Variants in DMD observed in about 807,000 individuals in gnomAD.
DMD encodes the protein mutant dystrophin.
Under a neutral mutation model 330.1 loss-of-function variants are expected in DMD, and 63 were observed. The ratio of observed to expected loss-of-function variants is 0.19; its 90% CI spans 0.16 to 0.24. The LOEUF (loss-of-function observed/expected upper bound fraction) is 0.24, where lower values mean the gene tolerates loss of function less well. Among genes scored for constraint, DMD ranks in the 10% least tolerant of loss-of-function variants. The pLI, the probability that DMD is intolerant of heterozygous loss-of-function variation, is 1.00. For missense variants in DMD, 3,344 were observed against 2,684.1 expected (o/e 1.25, Z -5.43); for synonymous variants, 1,223 against 959.8 (o/e 1.27, Z -5.07).
intron 52 of DMD, among the ~76,000 whole-genome samples, chrX:31,728,071 G>A (rs2086196664): frequency 8.9e-6 from 1 of 112,595 alleles, no homozygotes; most frequent in Non-Finnish European, 1.9e-5. Flanking sequence ...CGCCCAGGCT[G>A]GAGTGCAGTG....
intron 29 of DMD, among the ~76,000 whole-genome samples, chrX:32,421,089 T>A (rs2098187694): frequency 8.9e-6 from 1 of 111,971 alleles, no homozygotes; most frequent in East Asian, 2.8e-4. Flanking sequence ...ACTGGTCCTT[T>A]TTCATCCTAC....
chrX:31,374,489 GC>G (rs2059776493), intron 60 of DMD, among the ~76,000 whole-genome samples: 2 of 107,076 alleles, frequency 1.9e-5, no homozygotes, highest in Non-Finnish European at 3.8e-5. Context: ...ATACTATGCA[GC>G]CATAAAAAAT....
At chrX:33,113,673 C>T (rs1298610567) in intron 1 of DMD, among the ~76,000 whole-genome samples, 1 of 108,902 alleles carries the variant, frequency 9.2e-6, no homozygotes. Context: ...GAACCAGATG[C>T]TAAGGAAGCA....
At chrX:32,196,740 C>T (rs943759655) in intron 44 of DMD, among the ~76,000 whole-genome samples, 4 of 110,698 alleles carry the variant, frequency 3.6e-5, no homozygotes, top group Non-Finnish European at 7.6e-5. Context: ...AATCCCAGCA[C>T]TTTGGGAGGC....
intron 55 of DMD, among the ~76,000 whole-genome samples, chrX:31,545,156 G>A (rs938659288): frequency 3.6e-5 from 4 of 111,957 alleles, no homozygotes; most frequent in Non-Finnish European, 7.5e-5. Context: ...TCAAATTCAA[G>A]ACCAAGGTCA....
intron 13 of DMD, among the ~76,000 whole-genome samples, chrX:32,585,415 C>T (rs1165007599): frequency 4.5e-5 from 5 of 110,825 alleles, no homozygotes; most frequent in Admixed American, 2.9e-4. Context: ...TATTATTGGC[C>T]GGGTGGCCGG....
At chrX:31,377,105 C>T (rs180945816) in intron 60 of DMD, among the ~76,000 whole-genome samples, 25 of 111,881 alleles carry the variant, frequency 2.2e-4, no homozygotes, top group Non-Finnish European at 4.3e-4. Context: ...AGTTTCTACT[C>T]CCTGTTTGTT....
At chrX:32,400,034 C>G (rs1603632554) in intron 30 of DMD, among the ~76,000 whole-genome samples, 1 of 111,289 alleles carries the variant, frequency 9.0e-6, no homozygotes, top group Non-Finnish European at 1.9e-5. Context: ...CTGTCTTGTG[C>G]CAGTTTTCAA....
chrX:32,091,372 A>G (rs765301874), intron 44 of DMD, among the ~76,000 whole-genome samples: 1 of 112,267 alleles, frequency 8.9e-6, no homozygotes, highest in South Asian at 3.7e-4. Flanking sequence ...AACATGACTG[A>G]TAAAAAAGCA....
At chrX:32,191,398 T>G (rs1012051421) in intron 44 of DMD, among the ~76,000 whole-genome samples, 4 of 112,131 alleles carry the variant, frequency 3.6e-5, no homozygotes, top group Non-Finnish European at 3.8e-5. Flanking sequence ...CCAACTTTTC[T>G]CTGACTGGTT....
At chrX:32,542,690 G>C (rs181384621) in intron 17 of DMD, among the ~76,000 whole-genome samples, 98 of 112,336 alleles carry the variant, frequency 8.7e-4, no homozygotes, top group African/African-American at 3.0e-3. Flanking sequence ...GGTTATATTT[G>C]CATGATGCCT....
chrX:32,592,897 G>A (rs1050464455), intron 13 of DMD, among the ~76,000 whole-genome samples: 6 of 112,741 alleles, frequency 5.3e-5, no homozygotes, highest in Non-Finnish European at 9.4e-5. Context: ...GCTACTTGTG[G>A]TACATCTGGT....
chrX:32,824,547 CAA>C (rs1365345779), intron 4 of DMD, among the ~76,000 whole-genome samples: 1 of 111,565 alleles, frequency 9.0e-6, no homozygotes, highest in Non-Finnish European at 1.9e-5. Context: ...CTTGAAAAGA[CAA>C]AGTTACAGAA....
chrX:32,881,681 T>C (rs1330852961), intron 2 of DMD, among the ~76,000 whole-genome samples: 3 of 112,480 alleles, frequency 2.7e-5, no homozygotes, highest in African/African-American at 9.7e-5. Context: ...TTGCCTTAAG[T>C]ATTGCTTTTT....
chrX:32,421,517 G>T (rs768589977), intron 29 of DMD, among the ~76,000 whole-genome samples: 1 of 111,546 alleles, frequency 9.0e-6, no homozygotes, highest in East Asian at 2.8e-4. Flanking sequence ...AAGATGACTC[G>T]TGTGTTTATA....
intron 1 of DMD, among the ~76,000 whole-genome samples, chrX:33,028,788 G>A (rs2094051068): frequency 9.0e-6 from 1 of 111,455 alleles, no homozygotes; most frequent in Non-Finnish European, 1.9e-5. Context: ...TATGTGTATG[G>A]ACACACAGAT....
rs763534684 is a variant in DMD, at chrX:31,731,778, A to AT, written c.7543-2031dup. 4.6e-3 allele frequency among the ~76,000 whole-genome samples: 509 copies of AT among 110,683 alleles called. 2 individuals carry two copies. The highest frequency in any genetic ancestry group is 0.015 in the African/African-American group (468 of 30,554). On this transcript the variant is annotated intron_variant, in intron 51 of 78. Transcript: ENST00000357033. Reference sequence around the variant, plus strand: ...TTTTAATTCACTCTCACATAACCAGATTTTTTTTGCTTCTCAGTTTTAGAT... The same window carrying AT: ...TTTTAATTCACTCTCACATAACCAGATTTTTTTTTGCTTCTCAGTTTTAGAT...
chrX:33,013,901 T>C (rs909436390), intron 2 of DMD, among the ~76,000 whole-genome samples: 2 of 106,888 alleles, frequency 1.9e-5, no homozygotes, highest in African/African-American at 7.3e-5. Context: ...CAGAGTGTAA[T>C]AGGATAGTAA....
In DMD at chrX:32,196,998, A is replaced by AC. The variant is rs1329116392; in HGVS notation, c.6438+19917_6438+19918insG. On this transcript the variant is annotated intron_variant, in intron 44 of 78. Coordinates refer to ENST00000357033, the MANE Select transcript of DMD (RefSeq NM_004006.3). ...CGAGACTCCATCTCAAAAAAAAAAA[A>AC]AAAAAAACAAAAACAAAAGAAAAAA... Among the ~76,000 whole-genome samples the AC allele has an allele frequency of 1.8e-3, 189 of 103,362 alleles. 1 individual carries two copies. The highest frequency in any genetic ancestry group is 2.3e-3 in the Non-Finnish European group (116 of 50,945). 89.8% of individuals were successfully genotyped at this position (103,362 alleles called of 115,157 possible).
Sources: gnomAD v4.1 joint callset for allele counts (sites outside exome capture counted in the v4.1 genomes callset) on GRCh38, gnomAD v4.1.1 for gene constraint, MANE v1.5 for transcripts, NCBI Gene and HGNC (gene_info 2026-07-23, HGNC 2026-07-21) for gene names.